Variants in MBNL1 observed in about 807,000 individuals in gnomAD.
The protein encoded by MBNL1 is muscleblind like splicing regulator 1.
MBNL1 carries 8 observed loss-of-function variants against 42.2 expected under a neutral mutation model. The observed-to-expected ratio is 0.19, with a 90% CI of 0.11 to 0.34. The LOEUF is 0.34. Among genes scored for constraint, MBNL1 ranks in the 10% least tolerant of loss-of-function variants. The pLI, the probability that MBNL1 is intolerant of heterozygous loss-of-function variation, is 1.00. For synonymous variants in MBNL1, 169 were observed against 173.9 expected, an observed-to-expected ratio of 0.97 and a Z score of 0.22; for missense variants, 309 against 495.3, an observed-to-expected ratio of 0.62 and a Z score of 3.57.
chr3:152,385,439 A>G (rs1267952240), intron 2 of MBNL1, among the ~76,000 whole-genome samples: 1 of 152,036 alleles, frequency 6.6e-6, no homozygotes, highest in Non-Finnish European at 1.5e-5. Flanking sequence ...TCTAAATTAG[A>G]CATTAGATGT....
At chr3:152,384,895 T>A (rs927459446) in intron 2 of MBNL1, among the ~76,000 whole-genome samples, 2 of 152,090 alleles carry the variant, frequency 1.3e-5, no homozygotes, top group Admixed American at 1.3e-4. Flanking sequence ...TGTTTGAGTA[T>A]TGCTTGCAGA....
intron 2 of MBNL1, among the ~76,000 whole-genome samples, chr3:152,389,883 AT>A (rs2097615568): frequency 6.6e-6 from 1 of 151,910 alleles, no homozygotes; most frequent in African/African-American, 2.4e-5. Context: ...TTATTTATTT[AT>A]TTATTTTTTG....
At chr3:152,322,025 T>G (rs1046094234) in intron 2 of MBNL1, among the ~76,000 whole-genome samples, 10 of 151,136 alleles carry the variant, frequency 6.6e-5, no homozygotes, top group African/African-American at 1.9e-4. Context: ...CCAGGTTATG[T>G]TATTATAGTA....
chr3:152,407,834 A>G (rs1216655425), intron 2 of MBNL1, among the ~76,000 whole-genome samples: 1 of 152,102 alleles, frequency 6.6e-6, no homozygotes, highest in Non-Finnish European at 1.5e-5. Context: ...TTGCAGGGAC[A>G]TGAATGGAGC....
chr3:152,462,918 C>T lies in MBNL1; in HGVS notation c.*552C>T, dbSNP rs1360811136. Reference sequence around the variant, plus strand: ...ATTTTTAATGTAATAGATTGTAAGACGTGGTGAGGGAGGGATCTGACAGAG... The same window carrying T: ...ATTTTTAATGTAATAGATTGTAAGATGTGGTGAGGGAGGGATCTGACAGAG... On this transcript the variant is annotated 3_prime_UTR_variant, in exon 10 of 10. Transcript: ENST00000324210. The T allele has an allele frequency of 2.0e-5, 3 of 152,372 alleles. No homozygotes were observed. Among genetic ancestry groups the T allele is most frequent in the Non-Finnish European group, 4.4e-5 (3 of 67,956 alleles). 9.4% of individuals were successfully genotyped at this position (152,372 alleles called of 1,614,324 possible). A position where few individuals can be genotyped will look rare whatever the true frequency, so the allele number is the denominator to read the frequency against.
rs143467829 is a variant in MBNL1 at position 152,346,461 on chromosome 3, A to T, written c.174+46094A>T. ...CTTGATTTTTTCATATTGTCCCATT[A>T]TTCTGAGAAGAGTTTATTTTATGAG... is the stretch of plus-strand genomic sequence containing the variant. On this transcript the variant is annotated intron_variant, in intron 2 of 9. Transcript: ENST00000324210. 4.9e-3 allele frequency among the ~76,000 whole-genome samples: 750 copies of T among 152,246 alleles called. 5 individuals are homozygous for T. Among genetic ancestry groups the T allele is most frequent in the African/African-American group, 0.017 (711 of 41,554 alleles).
intron 2 of MBNL1, among the ~76,000 whole-genome samples, chr3:152,412,543 T>TA (rs977253823): frequency 6.6e-6 from 1 of 152,168 alleles, no homozygotes; most frequent in African/African-American, 2.4e-5. Flanking sequence ...GTACCATAGA[T>TA]AAAAAATGTA....
At chr3:152,298,051 G>A (rs188506503) in intron 1 of MBNL1, among the ~76,000 whole-genome samples, 1 of 152,162 alleles carries the variant, frequency 6.6e-6, no homozygotes, top group Non-Finnish European at 1.5e-5. Flanking sequence ...TGTTAAAATG[G>A]CAATATTAAT....
chr3:152,306,091 C>T (rs565382333), intron 2 of MBNL1, among the ~76,000 whole-genome samples: 1 of 152,294 alleles, frequency 6.6e-6, no homozygotes, highest in Non-Finnish European at 1.5e-5. Flanking sequence ...CATCTCTGAC[C>T]ATTACATTTC....
chr3:152,253,465 C>G (rs1050570054), intron 2 of MBNL1, among the ~76,000 whole-genome samples: 2 of 152,132 alleles, frequency 1.3e-5, no homozygotes, highest in African/African-American at 2.4e-5. Context: ...AAGAAACCCT[C>G]TTTTTCTATT....
chr3:152,293,384 G>A (rs1335200799), intron 1 of MBNL1, among the ~76,000 whole-genome samples: 3 of 152,182 alleles, frequency 2.0e-5, no homozygotes, highest in African/African-American at 7.2e-5. Flanking sequence ...TGGCTGTACA[G>A]CCTCCAGAAA....
intron 3 of MBNL1, among the ~76,000 whole-genome samples, chr3:152,424,548 T>G (rs184207581): frequency 1.3e-5 from 2 of 151,676 alleles, no homozygotes; most frequent in East Asian, 3.9e-4. Flanking sequence ...ACCATTGACT[T>G]TCTTCACAGA....
chr3:152,447,877 G>A (rs955507136), intron 6 of MBNL1, 104 bp downstream of exon 6: 2 of 1,043,028 alleles, frequency 1.9e-6, no homozygotes, highest in South Asian at 2.0e-5. Flanking sequence ...TTATAGATGA[G>A]GTGTCAGGTA....
At chr3:152,458,275 G>T in intron 8 of MBNL1, 2 of 1,239,072 alleles carry the variant, frequency 1.6e-6, no homozygotes, top group Admixed American at 1.8e-5. Context: ...TGTCAGCTGA[G>T]AACTGGAAAT....
intron 2 of MBNL1, among the ~76,000 whole-genome samples, chr3:152,326,566 G>A (rs1029496121): frequency 2.8e-4 from 42 of 151,684 alleles, no homozygotes; most frequent in African/African-American, 7.0e-4. Flanking sequence ...TTTCTGCTGC[G>A]TTTATTATCA....
chr3:152,435,912 G>A (rs1324668860), intron 4 of MBNL1, among the ~76,000 whole-genome samples: 3 of 152,164 alleles, frequency 2.0e-5, no homozygotes, highest in African/African-American at 4.8e-5. Flanking sequence ...CAACTTTGCT[G>A]AAGTTGTTTA....
intron 2 of MBNL1, among the ~76,000 whole-genome samples, chr3:152,393,968 A>C (rs2097826576): frequency 6.6e-6 from 1 of 152,188 alleles, no homozygotes; most frequent in Non-Finnish European, 1.5e-5. Flanking sequence ...CTAATTTATT[A>C]AGCTATTCCA....
intron 1 of MBNL1, among the ~76,000 whole-genome samples, chr3:152,293,506 A>G (rs1040103378): frequency 2.0e-5 from 3 of 152,192 alleles, no homozygotes; most frequent in African/African-American, 7.2e-5. Context: ...CTAATTATGG[A>G]CTTGTTGACA....
At chr3:152,324,321 A>C (rs1476955961) in intron 2 of MBNL1, among the ~76,000 whole-genome samples, 1 of 152,174 alleles carries the variant, frequency 6.6e-6, no homozygotes, top group East Asian at 1.9e-4. Context: ...AGAGTCTTGC[A>C]AACAAGAGAG....
Sources: gnomAD v4.1 joint callset for allele counts (sites outside exome capture counted in the v4.1 genomes callset) on GRCh38, gnomAD v4.1.1 for gene constraint, MANE v1.5 for transcripts, NCBI Gene and HGNC (gene_info 2026-07-23, HGNC 2026-07-21) for gene names.